The following PEBP4 variants were observed in gnomAD, a reference collection of about 807,000 sequenced individuals.
PEBP4 encodes the protein phosphatidylethanolamine-binding protein 4.
PEBP4 carries 22 observed loss-of-function variants against 23.9 expected under a neutral mutation model. The ratio of observed to expected loss-of-function variants is 0.92; its 90% confidence interval spans 0.66 to 1.31. The LOEUF (loss-of-function observed/expected upper bound fraction) is 1.31. PEBP4 is among the 40% of genes most tolerant of loss of function. The pLI is 0.00. For missense variants in PEBP4, 324 were observed against 281.7 expected, an observed-to-expected ratio of 1.15 and a Z score of -1.07; for synonymous variants, 112 against 99.3, an observed-to-expected ratio of 1.13 and a Z score of -0.76.
intron 3 of PEBP4, among the ~76,000 whole-genome samples, chr8:22,852,493 G>C (rs1023727762): frequency 6.6e-6 from 1 of 151,844 alleles, no homozygotes; most frequent in Non-Finnish European, 1.5e-5. Flanking sequence ...CTTTCCCTCC[G>C]AGCCCACCTT....
At chr8:22,841,410 A>G (rs181429982) in intron 3 of PEBP4, among the ~76,000 whole-genome samples, 1 of 152,406 alleles carries the variant, frequency 6.6e-6, no homozygotes, top group East Asian at 1.9e-4. Context: ...TTCAAAATTA[A>G]GAACCTTTGG....
intron 3 of PEBP4, among the ~76,000 whole-genome samples, chr8:22,909,644 T>G (rs917860762): frequency 1.3e-5 from 2 of 152,112 alleles, no homozygotes; most frequent in Admixed American, 1.3e-4. Flanking sequence ...TACTGCAGGT[T>G]GCTCTCCACC....
rs186955518 is a variant in PEBP4, at chr8:22,826,716, T to C, written c.259-8981A>G. Among the ~76,000 whole-genome samples, 1,078 of 152,336 alleles carry C rather than the reference T, an allele frequency of 7.1e-3. 11 individuals are homozygous for C. Among genetic ancestry groups the C allele is most frequent in the Non-Finnish European group, 9.8e-3 (664 of 68,028 alleles). The stretch of plus-strand genomic sequence containing the variant: ...AGAAAATAAGATATTTCTTCACATT[T>C]GCTTGTATTTACATAAACAAACTCT... On this transcript the variant is annotated intron_variant, in intron 3 of 6. Coordinates refer to ENST00000256404, the MANE Select transcript of PEBP4 (RefSeq NM_144962.3).
At chr8:22,846,707 G>C (rs377428140) in intron 3 of PEBP4, among the ~76,000 whole-genome samples, 24 of 152,262 alleles carry the variant, frequency 1.6e-4, no homozygotes, top group African/African-American at 5.1e-4. Flanking sequence ...GGAGTCTCCA[G>C]TTCCCTGCCC....
intron 3 of PEBP4, among the ~76,000 whole-genome samples, chr8:22,855,256 C>T (rs1433380376): frequency 1.3e-5 from 2 of 152,088 alleles, no homozygotes; most frequent in East Asian, 1.9e-4. Context: ...TGTCGGTGCA[C>T]GGGTCACACC....
intron 3 of PEBP4, among the ~76,000 whole-genome samples, chr8:22,845,336 C>A (rs1807407715): frequency 6.7e-6 from 1 of 149,530 alleles, no homozygotes; most frequent in Admixed American, 6.7e-5. Flanking sequence ...GAGTTTGAGA[C>A]CAGCCCTGAC....
chr8:22,769,901 A>T (rs570724928), intron 4 of PEBP4, among the ~76,000 whole-genome samples: 2 of 152,106 alleles, frequency 1.3e-5, no homozygotes, highest in East Asian at 3.8e-4. Flanking sequence ...TGAGACACAC[A>T]AGTCAGTCCC....
chr8:22,935,124 T>A (rs960573495), intron 1 of PEBP4, among the ~76,000 whole-genome samples: 1 of 152,114 alleles, frequency 6.6e-6, no homozygotes, highest in Non-Finnish European at 1.5e-5. Context: ...CATACAAGGA[T>A]AGAATTGAAG....
At chr8:22,803,006 A>G (rs1041439365) in intron 4 of PEBP4, among the ~76,000 whole-genome samples, 5 of 152,104 alleles carry the variant, frequency 3.3e-5, no homozygotes, top group African/African-American at 7.2e-5. Flanking sequence ...CCTGGCCCCA[A>G]GCTCTTTCTG....
At chr8:22,858,284 G>A (rs1343679678) in intron 3 of PEBP4, among the ~76,000 whole-genome samples, 1 of 152,206 alleles carries the variant, frequency 6.6e-6, no homozygotes, top group Non-Finnish European at 1.5e-5. Flanking sequence ...CATCTGAGGA[G>A]TGTAGCTGTT....
chr8:22,821,846 G>C (rs1007494703), intron 3 of PEBP4, among the ~76,000 whole-genome samples: 5 of 152,014 alleles, frequency 3.3e-5, no homozygotes, highest in African/African-American at 1.2e-4. Context: ...TTAGCTGGGC[G>C]TGGTGGCGGG....
intron 3 of PEBP4, among the ~76,000 whole-genome samples, chr8:22,871,552 ATTTTT>A (rs35759089): frequency 5.2e-5 from 6 of 115,294 alleles, no homozygotes; most frequent in African/African-American, 1.7e-4. Context: ...GATTTCTGGG[ATTTTT>A]TTTTTTTTTT....
At chr8:22,878,691 C>A (rs992286205) in intron 3 of PEBP4, among the ~76,000 whole-genome samples, 13 of 152,202 alleles carry the variant, frequency 8.5e-5, no homozygotes, top group Non-Finnish European at 1.2e-4. Flanking sequence ...AGCACAGGAT[C>A]TCCAAACAGG....
chr8:22,860,196 A>ATATATATACACATATATATG (rs1563240367), intron 3 of PEBP4, among the ~76,000 whole-genome samples: 4 of 52,786 alleles, frequency 7.6e-5, no homozygotes, highest in Admixed American at 2.3e-4. Context: ...ATATATGTAT[A>ATATATATACACATATATATG]TATATATATA....
At chr8:22,936,217 G>C (rs1007011912) in intron 1 of PEBP4, among the ~76,000 whole-genome samples, 3 of 151,050 alleles carry the variant, frequency 2.0e-5, no homozygotes, top group African/African-American at 7.3e-5. Flanking sequence ...ACTAAAATAA[G>C]AAATGAAGTG....
intron 3 of PEBP4, among the ~76,000 whole-genome samples, chr8:22,909,371 T>A (rs1439124455): frequency 6.6e-6 from 1 of 152,210 alleles, no homozygotes; most frequent in Non-Finnish European, 1.5e-5. Flanking sequence ...TGGCTTCTTC[T>A]GACTCAATGT....
intron 3 of PEBP4, among the ~76,000 whole-genome samples, chr8:22,905,809 CGAG>C (rs1416786255): frequency 3.9e-5 from 6 of 152,092 alleles, no homozygotes; most frequent in African/African-American, 7.2e-5. Context: ...AAAAGATGAA[CGAG>C]GAGGAGGAAA....
chr8:22,730,641 G>A (rs1432141488), intron 4 of PEBP4, among the ~76,000 whole-genome samples: 1 of 152,232 alleles, frequency 6.6e-6, no homozygotes, highest in African/African-American at 2.4e-5. Flanking sequence ...GGAGGTAAGA[G>A]GGAGAAACCT....
intron 4 of PEBP4, among the ~76,000 whole-genome samples, chr8:22,817,236 T>A (rs529726551): frequency 6.6e-6 from 1 of 152,332 alleles, no homozygotes; most frequent in Admixed American, 6.5e-5. Flanking sequence ...CCTGCACGTC[T>A]CAGAATCCCC....
Sources: gnomAD v4.1 joint callset for allele counts (sites outside exome capture counted in the v4.1 genomes callset) on GRCh38, gnomAD v4.1.1 for gene constraint, MANE v1.5 for transcripts, NCBI Gene and HGNC (gene_info 2026-07-23, HGNC 2026-07-21) for gene names.